Variants in AFF3 observed in about 807,000 individuals in gnomAD.
AFF3 encodes ALF transcription elongation factor 3, also known as AF4/FMR2 family member 3.
AFF3 carries 32 observed loss-of-function variants against 129.7 expected under a neutral mutation model. The observed-to-expected ratio is 0.25, with a 90% CI of 0.19 to 0.33. The LOEUF is 0.33. Among genes scored for constraint, AFF3 ranks in the 10% least tolerant of loss-of-function variants. AFF3 has a pLI of 1.00. For missense variants in AFF3, 1,373 were observed against 1,592.0 expected (o/e 0.86, Z 2.34); for synonymous variants, 644 against 635.4 (o/e 1.01, Z -0.20).
At chr2:99,852,113 G>GA (rs1030569036) in intron 7 of AFF3, among the ~76,000 whole-genome samples, 3 of 151,880 alleles carry the variant, frequency 2.0e-5, no homozygotes, top group East Asian at 1.9e-4. Flanking sequence ...CATTTAAAAA[G>GA]AAAAAAATAT....
At chr2:99,841,439 C>T (rs112602436) in intron 7 of AFF3, among the ~76,000 whole-genome samples, 4 of 152,156 alleles carry the variant, frequency 2.6e-5, no homozygotes, top group East Asian at 1.9e-4. Flanking sequence ...GCTAAGGAGG[C>T]GGCAGAGGTG....
chr2:100,050,145 C>T (rs1405928717), intron 4 of AFF3, among the ~76,000 whole-genome samples: 1 of 151,252 alleles, frequency 6.6e-6, no homozygotes, highest in Non-Finnish European at 1.5e-5. Context: ...CAGGGGTGAG[C>T]CGAGATCACA....
At chr2:99,997,873 C>G (rs997256410) in intron 7 of AFF3, among the ~76,000 whole-genome samples, 1 of 152,186 alleles carries the variant, frequency 6.6e-6, no homozygotes, top group Non-Finnish European at 1.5e-5. Flanking sequence ...CCTCACTGTT[C>G]TCCTGCTCAC....
chr2:99,766,630 C>T (rs1435441793), intron 8 of AFF3, among the ~76,000 whole-genome samples: 1 of 152,048 alleles, frequency 6.6e-6, no homozygotes, highest in South Asian at 2.1e-4. Flanking sequence ...CATTCCCCCC[C>T]AAAAGTTCAT....
In AFF3 at chr2:99,900,183, G is replaced by T. The variant is rs117222255; in HGVS notation, c.874-62659C>A. ...ATACTGGCAAGGTTTTACTGCAGTT[G>T]TAGGGAGACAGTATTACCATCTCAT... On this transcript the variant is annotated intron_variant, in intron 7 of 24. Coordinates refer to ENST00000672756, the MANE Select transcript of AFF3 (RefSeq NM_001386135.1). 2.0e-4 allele frequency among the ~76,000 whole-genome samples: 31 copies of T among 152,308 alleles called. 1 individual carries two copies. The East Asian group carries it at 6.0e-3, about 29-fold the overall frequency.
intron 8 of AFF3, among the ~76,000 whole-genome samples, chr2:99,806,594 T>A (rs995910860): frequency 3.3e-5 from 5 of 152,188 alleles, no homozygotes; most frequent in African/African-American, 1.2e-4. Context: ...GAACTTGATA[T>A]GACAGAGCAA....
At chr2:99,681,735 C>T (rs1674542002) in intron 11 of AFF3, among the ~76,000 whole-genome samples, 1 of 152,178 alleles carries the variant, frequency 6.6e-6, no homozygotes, top group South Asian at 2.1e-4. Flanking sequence ...CTTGGACTCC[C>T]CGTCCCCCAG....
chr2:99,753,670 C>T (rs991356734), intron 8 of AFF3, among the ~76,000 whole-genome samples: 7 of 152,082 alleles, frequency 4.6e-5, no homozygotes, highest in African/African-American at 1.2e-4. Flanking sequence ...CGTGGGAGGG[C>T]GAGTGTGTTC....
At chr2:99,805,646 C>T (rs576488157) in intron 8 of AFF3, among the ~76,000 whole-genome samples, 1 of 152,168 alleles carries the variant, frequency 6.6e-6, no homozygotes, top group African/African-American at 2.4e-5. Flanking sequence ...CAGGAAAATC[C>T]CTACTCCTCT....
intron 7 of AFF3, among the ~76,000 whole-genome samples, chr2:99,986,313 T>G (rs1428193734): frequency 6.6e-6 from 1 of 151,570 alleles, no homozygotes; most frequent in African/African-American, 2.4e-5. Flanking sequence ...CTCACCACTT[T>G]TAGCCACAAC....
intron 3 of AFF3, 110 bp from the exon 4 acceptor site, chr2:100,104,628 C>G (rs1256779900): frequency 7.7e-6 from 7 of 914,266 alleles, no homozygotes; most frequent in Non-Finnish European, 9.1e-6. Context: ...GCCCCCGACT[C>G]CGGGCCGGCC....
At chr2:99,575,058 G>A (rs1255612594) in intron 18 of AFF3, among the ~76,000 whole-genome samples, 1 of 152,108 alleles carries the variant, frequency 6.6e-6, no homozygotes, top group Non-Finnish European at 1.5e-5. Flanking sequence ...GTCATCATGT[G>A]CCTCTCTCTC....
At chr2:99,587,444 T>G (rs1332125047) in intron 15 of AFF3, among the ~76,000 whole-genome samples, 166 bp from the exon 16 acceptor site, 1 of 152,084 alleles carries the variant, frequency 6.6e-6, no homozygotes, top group African/African-American at 2.4e-5. Flanking sequence ...CCCCATTAGC[T>G]CCTCAACAAG....
intron 11 of AFF3, among the ~76,000 whole-genome samples, chr2:99,700,403 G>C (rs1397868196): frequency 6.6e-6 from 1 of 152,224 alleles, no homozygotes; most frequent in East Asian, 1.9e-4. Flanking sequence ...ACAGGCGTGA[G>C]CCACCGTGCC....
chr2:99,575,920 T>C (rs887969915), intron 18 of AFF3, among the ~76,000 whole-genome samples: 2 of 152,124 alleles, frequency 1.3e-5, no homozygotes, highest in Admixed American at 1.3e-4. Flanking sequence ...TTATAAAAAG[T>C]CCAAGGGCTG....
chr2:99,892,573 G>A (rs958790071), intron 7 of AFF3, among the ~76,000 whole-genome samples: 1 of 152,108 alleles, frequency 6.6e-6, no homozygotes, highest in Non-Finnish European at 1.5e-5. Flanking sequence ...CTGAAAGAAA[G>A]CAGGCCTACT....
chr2:99,611,511 A>C (rs13032507), intron 13 of AFF3, among the ~76,000 whole-genome samples: 23,557 of 152,078 alleles, frequency 0.15, 2,256 homozygotes, highest in South Asian at 0.25. Flanking sequence ...GTAGAAGTTT[A>C]AGCTCCCCAC....
chr2:99,958,187 T>C (rs1354035688), intron 7 of AFF3, among the ~76,000 whole-genome samples: 2 of 152,098 alleles, frequency 1.3e-5, no homozygotes, highest in African/African-American at 4.8e-5. Flanking sequence ...ACTGAGTAGT[T>C]ACCTCAAAAA....
At chr2:99,589,509 C>G (rs1559511013) in intron 15 of AFF3, among the ~76,000 whole-genome samples, 1 of 144,566 alleles carries the variant, frequency 6.9e-6, no homozygotes, top group East Asian at 2.1e-4. Context: ...TCAAGCGATT[C>G]TCCTGCCTCA....
Sources: gnomAD v4.1 joint callset for allele counts (sites outside exome capture counted in the v4.1 genomes callset) on GRCh38, gnomAD v4.1.1 for gene constraint, MANE v1.5 for transcripts, NCBI Gene and HGNC (gene_info 2026-07-23, HGNC 2026-07-21) for gene names.